The following PPEF1 variants were observed in gnomAD, a reference collection of about 807,000 sequenced individuals.
PPEF1 encodes protein phosphatase with EF-hand domain 1, also known as serine/threonine-protein phosphatase with EF-hands 1.
Under a neutral mutation model 53.3 loss-of-function variants are expected in PPEF1, and 12 were observed. That is an observed-to-expected ratio of 0.23 (90% CI 0.14 to 0.36). The LOEUF is 0.36. Ranked by LOEUF, PPEF1 falls within the 10% of genes least tolerant of loss-of-function variation. The probability of loss-of-function intolerance (pLI) is 1.00; values close to 1 mark genes in which losing one functional copy is unlikely to be tolerated. For missense variants in PPEF1, 334 were observed against 490.4 expected, an observed-to-expected ratio of 0.68 and a Z score of 3.01; for synonymous variants, 165 against 176.7, an observed-to-expected ratio of 0.93 and a Z score of 0.52.
intron 9 of PPEF1, among the ~76,000 whole-genome samples, chrX:18,787,802 T>C (rs1385995403): frequency 1.9e-5 from 2 of 107,170 alleles, no homozygotes; most frequent in Admixed American, 1.0e-4. Context: ...AAGAAGTGAG[T>C]TGTGTGGACC....
At chrX:18,738,745 A>C (rs2045061722) in intron 3 of PPEF1, among the ~76,000 whole-genome samples, 2 of 112,487 alleles carry the variant, frequency 1.8e-5, no homozygotes, top group African/African-American at 3.2e-5. Flanking sequence ...CCATTCTCCC[A>C]GTCACTTTCA....
intron 1 of PPEF1, among the ~76,000 whole-genome samples, chrX:18,708,432 C>T (rs1471257405): frequency 8.9e-6 from 1 of 112,191 alleles, no homozygotes; most frequent in Non-Finnish European, 1.9e-5. Flanking sequence ...GAGGTTCTTT[C>T]TCATGGCTAT....
At chrX:18,820,934 T>C (rs1243365255) in intron 13 of PPEF1, among the ~76,000 whole-genome samples, 1 of 110,446 alleles carries the variant, frequency 9.1e-6, no homozygotes, top group East Asian at 2.9e-4. Flanking sequence ...GAAATAATCC[T>C]TGGCTCCGGC....
intron 6 of PPEF1, among the ~76,000 whole-genome samples, chrX:18,770,110 C>G (rs974866021): frequency 1.8e-5 from 2 of 111,238 alleles, no homozygotes; most frequent in African/African-American, 6.5e-5. Context: ...GCAGAATGAG[C>G]CAGAGGGTTT....
intron 10 of PPEF1, among the ~76,000 whole-genome samples, chrX:18,795,275 A>C (rs2046411312): frequency 8.9e-6 from 1 of 112,185 alleles, no homozygotes; most frequent in African/African-American, 3.2e-5. Context: ...GTGCCACTGC[A>C]CTCCAGCCTG....
intron 3 of PPEF1, among the ~76,000 whole-genome samples, chrX:18,738,475 A>G (rs1163944617): frequency 2.7e-5 from 3 of 111,864 alleles, no homozygotes; most frequent in African/African-American, 9.8e-5. Context: ...TGGCTTGTAG[A>G]GTTTCTGCCG....
chrX:18,814,083 G>A (rs1373059266), intron 12 of PPEF1, among the ~76,000 whole-genome samples: 1 of 111,378 alleles, frequency 9.0e-6, no homozygotes, highest in Non-Finnish European at 1.9e-5. Flanking sequence ...TTAAAAGTGA[G>A]AACATATGGC....
At chrX:18,825,497 A>G (rs1399442655) in intron 14 of PPEF1, among the ~76,000 whole-genome samples, 1 of 112,192 alleles carries the variant, frequency 8.9e-6, no homozygotes, top group Non-Finnish European at 1.9e-5. Flanking sequence ...ACCGAATGAA[A>G]TAATCCACAT....
At chrX:18,690,588 T>C (rs1179844073) in intron 3 of PPEF1, among the ~76,000 whole-genome samples, 1 of 111,802 alleles carries the variant, frequency 8.9e-6, no homozygotes, top group Non-Finnish European at 1.9e-5. Flanking sequence ...TTGGCCAGGC[T>C]GGTCTTGAAC....
intron 11 of PPEF1, among the ~76,000 whole-genome samples, chrX:18,806,012 A>G (rs1164314639): frequency 1.8e-5 from 2 of 110,104 alleles, no homozygotes; most frequent in East Asian, 2.9e-4. Context: ...AGCAGAAGAA[A>G]AAAACCGAAG....
In PPEF1 at chrX:18,818,475, A is replaced by G. The variant is rs1354021193; in HGVS notation, c.1501+330A>G. Among the ~76,000 whole-genome samples the G allele has an allele frequency of 2.0e-4, 22 of 108,230 alleles. 1 individual carries two copies. Among genetic ancestry groups the G allele is most frequent in the Non-Finnish European group, 1.9e-5 (1 of 52,369 alleles). The allele number at this position is 108,230 out of a possible 115,157, so 94.0% of individuals were successfully genotyped here. A position where few individuals can be genotyped will look rare whatever the true frequency, so the allele number is the denominator to read the frequency against. ...GACCTCCACCTCCTGGGTTTAAGCA[A>G]TTCTCCTGCCTCAGCCTCCTAAGTA... On this transcript the variant is annotated intron_variant, in intron 13 of 15. Transcript: ENST00000470157.
intron 13 of PPEF1, among the ~76,000 whole-genome samples, chrX:18,821,790 AG>A (rs55824848): frequency 0.04 from 2,360 of 58,710 alleles, 77 homozygotes; most frequent in African/African-American, 0.1. Context: ...AGAGAGAGAG[AG>A]AGAGAGAGAG....
chrX:18,741,852 G>A lies in PPEF1; in HGVS notation c.236-7940G>A, dbSNP rs182256063. On this transcript the variant is annotated intron_variant, in intron 3 of 15. Coordinates refer to ENST00000470157, the MANE Select transcript of PPEF1 (RefSeq NM_001377996.1). ...AGAGTCTTGCTCTGTCACCCAGGCT[G>A]AATTGCAGTGGCGCAATCTCACCTC... Among the ~76,000 whole-genome samples the A allele has an allele frequency of 7.7e-3, 771 of 100,028 alleles. 9 individuals are homozygous for A. Among genetic ancestry groups the A allele is most frequent in the African/African-American group, 0.027 (732 of 26,823 alleles). 86.9% of individuals were successfully genotyped at this position (100,028 alleles called of 115,157 possible). A position where few individuals can be genotyped will look rare whatever the true frequency, so the allele number is the denominator to read the frequency against.
intron 3 of PPEF1, among the ~76,000 whole-genome samples, chrX:18,743,942 G>A (rs922294027): frequency 4.5e-5 from 5 of 110,848 alleles, no homozygotes; most frequent in African/African-American, 1.6e-4. Flanking sequence ...AGGCTGGAGT[G>A]CAGTGGCATG....
chrX:18,823,771 G>C (rs1434576863), intron 13 of PPEF1, 152 bp from the exon 14 acceptor site: 11 of 501,642 alleles, frequency 2.2e-5, no homozygotes, highest in Non-Finnish European at 3.5e-5. Context: ...AGATATCCTT[G>C]AGTTAGTTCT....
intron 6 of PPEF1, among the ~76,000 whole-genome samples, chrX:18,771,330 A>G (rs973445522): frequency 1.8e-5 from 2 of 111,557 alleles, no homozygotes; most frequent in African/African-American, 6.5e-5. Context: ...CATCTTTAAT[A>G]ATGAAGGCAT....
At chrX:18,689,958 A>G (rs10126707) in intron 3 of PPEF1, among the ~76,000 whole-genome samples, 7,074 of 109,439 alleles carry the variant, frequency 0.065, 496 homozygotes, top group African/African-American at 0.21. Flanking sequence ...TCCACATTCA[A>G]CCTTCCACTG....
At chrX:18,677,651 T>C (rs1046638994) in intron 1 of PPEF1, among the ~76,000 whole-genome samples, 1 of 111,498 alleles carries the variant, frequency 9.0e-6, no homozygotes, top group African/African-American at 3.3e-5. Flanking sequence ...TAGCTTCCTA[T>C]TGCGGTGAAA....
intron 6 of PPEF1, among the ~76,000 whole-genome samples, chrX:18,777,937 G>T (rs1247162119): frequency 9.1e-6 from 1 of 109,950 alleles, no homozygotes; most frequent in Non-Finnish European, 1.9e-5. Flanking sequence ...TAGAGATGGG[G>T]TTTCGTCACG....
Sources: allele counts gnomAD v4.1 joint callset (sites outside exome capture counted in the v4.1 genomes callset), GRCh38; gene constraint gnomAD v4.1.1; transcripts MANE v1.5; gene names NCBI Gene and HGNC (gene_info 2026-07-23, HGNC 2026-07-21).